Variants in RFX4 observed in about 807,000 individuals in gnomAD.
RFX4 encodes regulatory factor X4.
A neutral mutation model predicts 95.0 loss-of-function variants in RFX4; 10 were observed. The observed-to-expected ratio is 0.11, with a 90% CI of 0.06 to 0.18. The LOEUF (loss-of-function observed/expected upper bound fraction) is 0.18. Among genes scored for constraint, RFX4 ranks in the 10% least tolerant of loss-of-function variants. The pLI is 1.00. For synonymous variants in RFX4, 321 were observed against 340.7 expected (o/e 0.94, Z 0.64); for missense variants, 640 against 922.0 (o/e 0.69, Z 3.96).
At chr12:106,621,276 G>T (rs1274188468) in intron 2 of RFX4, among the ~76,000 whole-genome samples, 2 of 152,228 alleles carry the variant, frequency 1.3e-5, no homozygotes, top group African/African-American at 2.4e-5. Flanking sequence ...CACAGCTCCA[G>T]CCGGTTCCTC....
chr12:106,589,220 A>G (rs576579992), intron 1 of RFX4, among the ~76,000 whole-genome samples: 1 of 152,342 alleles, frequency 6.6e-6, no homozygotes, highest in South Asian at 2.1e-4. Flanking sequence ...GGTAAAAGTG[A>G]AGTTTAAAAA....
intron 3 of RFX4, among the ~76,000 whole-genome samples, chr12:106,640,349 C>G (rs1001157432): frequency 6.6e-6 from 1 of 152,178 alleles, no homozygotes; most frequent in African/African-American, 2.4e-5. Context: ...GAAGAGAGGA[C>G]AGATCAGAAA....
At chr12:106,600,720 C>A (rs1258480990) in intron 1 of RFX4, among the ~76,000 whole-genome samples, 2 of 152,092 alleles carry the variant, frequency 1.3e-5, no homozygotes, top group Non-Finnish European at 2.9e-5. Flanking sequence ...AACTTTCTAC[C>A]TCATTTCCTG....
chr12:106,611,120 T>C (rs1235686003), intron 2 of RFX4, among the ~76,000 whole-genome samples: 1 of 152,206 alleles, frequency 6.6e-6, no homozygotes, highest in Non-Finnish European at 1.5e-5. Flanking sequence ...CATATCTTCT[T>C]TGGAGAAATG....
chr12:106,618,579 T>C (rs2040120491), intron 2 of RFX4, among the ~76,000 whole-genome samples: 1 of 152,102 alleles, frequency 6.6e-6, no homozygotes, highest in African/African-American at 2.4e-5. Flanking sequence ...CAGTTTTCTT[T>C]ATACATGGGT....
intron 2 of RFX4, among the ~76,000 whole-genome samples, chr12:106,620,738 C>A (rs1285660903): frequency 6.6e-6 from 1 of 152,064 alleles, no homozygotes; most frequent in Admixed American, 6.6e-5. Context: ...TTTCCCCACC[C>A]TAGTAAACCT....
chr12:106,690,050 C>T lies in RFX4; in HGVS notation c.669+686C>T, dbSNP rs185019994. On this transcript the variant is annotated intron_variant, in intron 7 of 17. Transcript: ENST00000392842. ...CCCAGTAGCTATTGATGGAAGACAT[C>T]CCAGAAATTCCTTTGGTGTGTGTGT... Among the ~76,000 whole-genome samples the T allele has an allele frequency of 4.6e-4, 70 of 152,204 alleles. 1 individual carries two copies. In the East Asian group the frequency reaches 6.2e-3, roughly 13 times the overall value.
At chr12:106,632,147 A>T (rs1592873139) in intron 2 of RFX4, among the ~76,000 whole-genome samples, 1 of 152,218 alleles carries the variant, frequency 6.6e-6, no homozygotes, top group East Asian at 1.9e-4. Context: ...CAGGAGGTAG[A>T]TGCAGAGAGG....
chr12:106,722,375 A>G (rs2042412657), intron 13 of RFX4, among the ~76,000 whole-genome samples: 1 of 152,232 alleles, frequency 6.6e-6, no homozygotes. Flanking sequence ...GTATGGTAGC[A>G]GGTGCCTTTC....
chr12:106,693,082 G>C, intron 7 of RFX4: 1 of 438,084 alleles, frequency 2.3e-6, no homozygotes, highest in Non-Finnish European at 4.6e-6. Context: ...TCCACTGGGA[G>C]ATCCTGTCAG....
At chr12:106,619,817 C>T (rs190304684) in intron 2 of RFX4, among the ~76,000 whole-genome samples, 1 of 152,136 alleles carries the variant, frequency 6.6e-6, no homozygotes, top group African/African-American at 2.4e-5. Context: ...AATTGACCTG[C>T]CTTTCAGTTC....
intron 3 of RFX4, among the ~76,000 whole-genome samples, chr12:106,652,855 G>T (rs1451464045): frequency 6.6e-6 from 1 of 152,124 alleles, no homozygotes; most frequent in Non-Finnish European, 1.5e-5. Flanking sequence ...CACTTCTTTG[G>T]CAAATGCTCT....
chr12:106,737,822 A>T (rs183621428), intron 15 of RFX4, among the ~76,000 whole-genome samples: 1 of 152,282 alleles, frequency 6.6e-6, no homozygotes, highest in Admixed American at 6.5e-5. Flanking sequence ...TCTTCTGTGG[A>T]AATTTAGATT....
At chr12:106,735,058 A>AAAGAAG (rs1463055511) in intron 15 of RFX4, among the ~76,000 whole-genome samples, 1 of 151,586 alleles carries the variant, frequency 6.6e-6, no homozygotes, top group Admixed American at 6.6e-5. Context: ...AAAAAAAAAA[A>AAAGAAG]AAGAAGAAGA....
At chr12:106,585,295 G>A (rs1468897298) in intron 1 of RFX4, among the ~76,000 whole-genome samples, 1 of 152,148 alleles carries the variant, frequency 6.6e-6, no homozygotes, top group African/African-American at 2.4e-5. Context: ...GATGCAACTG[G>A]TGCTCGTGGG....
chr12:106,619,929 C>CT (rs1004650835), intron 2 of RFX4, among the ~76,000 whole-genome samples: 1 of 151,982 alleles, frequency 6.6e-6, no homozygotes, highest in Non-Finnish European at 1.5e-5. Context: ...CCAATTGATT[C>CT]TTTTCTCATA....
At chr12:106,593,352 T>C (rs1407827362) in intron 1 of RFX4, among the ~76,000 whole-genome samples, 1 of 152,254 alleles carries the variant, frequency 6.6e-6, no homozygotes, top group Non-Finnish European at 1.5e-5. Context: ...TAAGTGAGAC[T>C]GCTGAATGTA....
chr12:106,754,342 G>A (rs1222315293), intron 17 of RFX4, among the ~76,000 whole-genome samples: 1 of 152,148 alleles, frequency 6.6e-6, no homozygotes, highest in East Asian at 1.9e-4. Context: ...AGATCACTCC[G>A]CACACTCCAA....
chr12:106,619,213 T>A (rs570636719), intron 2 of RFX4, among the ~76,000 whole-genome samples: 1 of 152,188 alleles, frequency 6.6e-6, no homozygotes, highest in Non-Finnish European at 1.5e-5. Context: ...CATGCTTCCA[T>A]CTGGAATCAT....
Sources: allele counts gnomAD v4.1 joint callset (sites outside exome capture counted in the v4.1 genomes callset), GRCh38; gene constraint gnomAD v4.1.1; transcripts MANE v1.5; gene names NCBI Gene and HGNC (gene_info 2026-07-23, HGNC 2026-07-21).